Variants in NUP160 observed in about 807,000 individuals in gnomAD.
The protein encoded by NUP160 is nucleoporin 160, also known as nuclear pore complex protein Nup160.
In NUP160, 94 loss-of-function variants were observed where a neutral mutation model predicts 196.9. That is an observed-to-expected ratio of 0.48 (90% confidence interval 0.40 to 0.57). The LOEUF (loss-of-function observed/expected upper bound fraction) is 0.57, where lower values mean the gene tolerates loss of function less well. Among genes scored for constraint, NUP160 ranks in the 20% least tolerant of loss-of-function variants. The pLI is 0.00. For missense variants in NUP160, 1,638 were observed against 1,748.3 expected, an observed-to-expected ratio of 0.94 and a Z score of 1.13; for synonymous variants, 605 against 619.7, an observed-to-expected ratio of 0.98 and a Z score of 0.35.
rs1208538677 is a variant in NUP160, at chr11:47,782,300, AAAAATATATATATATATATATATATATAT to A, written c.4116+744_4116+772del. 9.6e-4 allele frequency among the ~76,000 whole-genome samples: 41 copies of A among 42,524 alleles called. 3 individuals carry two copies. The highest frequency in any genetic ancestry group is 4.9e-3 in the East Asian group (9 of 1,820). 27.9% of individuals were successfully genotyped at this position (42,524 alleles called of 152,430 possible). ...GAGCAAAACTCAGTTAAAAAAAAAA[AAAAATATATATATATATATATATATATAT>A]ATATATATATATATATATATATATA... is the stretch of plus-strand genomic sequence containing the variant. On this transcript the variant is annotated intron_variant, in intron 34 of 35. Transcript: ENST00000378460.
chr11:47,780,110 T>C (rs1371694136), intron 35 of NUP160, among the ~76,000 whole-genome samples: 1 of 152,220 alleles, frequency 6.6e-6, no homozygotes, highest in East Asian at 1.9e-4. Context: ...ATGGACCGAC[T>C]GCTTGCCATT....
Position 47,837,535 on chromosome 11 carries a change from C to T in NUP160, c.827+10G>A, listed in dbSNP as rs1852200113. 1.9e-6 allele frequency: 3 copies of T among 1,611,442 alleles called. No individual in the cohort carries two copies. The South Asian group carries it at 3.3e-5, about 18-fold the overall frequency. On this transcript the variant is annotated intron_variant, in intron 5 of 35. Coordinates refer to ENST00000378460, the Ensembl canonical transcript of NUP160. ...TGGGCCCTTTGATTTACCTGCCAGACACCACTCACCTGATAGCTGTTGGCA... is the reference window on the plus strand; with the variant it reads ...TGGGCCCTTTGATTTACCTGCCAGATACCACTCACCTGATAGCTGTTGGCA...
At chr11:47,792,068 T>C (rs2135350156) in intron 28 of NUP160, 78 bp from the exon 29 acceptor site, 1 of 990,358 alleles carries the variant, frequency 1.0e-6, no homozygotes, top group Admixed American at 2.4e-5. Context: ...TTCATAGCTT[T>C]TATGCTTAAA....
chr11:47,800,612 G>C (rs978260387), intron 23 of NUP160, among the ~76,000 whole-genome samples: 1 of 152,046 alleles, frequency 6.6e-6, no homozygotes, highest in Non-Finnish European at 1.5e-5. Context: ...GGCTGGTCTC[G>C]AACTACTGAC....
intron 29 of NUP160, among the ~76,000 whole-genome samples, chr11:47,790,507 C>T (rs542790778): frequency 9.9e-5 from 15 of 151,956 alleles, no homozygotes; most frequent in East Asian, 5.8e-4. Flanking sequence ...GTGATCCACC[C>T]GCCTCAGCCT....
rs532106403 is a variant in NUP160 at position 47,835,770 on chromosome 11, C to T, written c.982G>A (p.Val328Ile). 23 of 1,599,832 alleles carry T rather than the reference C, an allele frequency of 1.4e-5. 1 individual carries two copies. The Admixed American group carries it at 2.6e-4, about 18-fold the overall frequency. The change falls in exon 7 of 36, where the codon GTC becomes ATC. Residue 328 changes from valine (V) to isoleucine (I), a missense_variant. Around this residue, in one of 3 missense-constraint regions of NUP160, gnomAD observed 1,345 missense variants for 1,470.2 expected, o/e 0.91. Transcript: ENST00000378460. ...AGCCGAAGGTCTTTCTTCACAGGGA[C>T]ATACTCCAGCATGTCAGCTACCATT... is the stretch of plus-strand genomic sequence containing the variant.
intron 2 of NUP160, among the ~76,000 whole-genome samples, chr11:47,847,496 T>C (rs749734752): frequency 3.3e-5 from 5 of 152,124 alleles, no homozygotes; most frequent in Non-Finnish European, 5.9e-5. Flanking sequence ...GCCTGACATA[T>C]TGAAGCTCGA....
intron 2 of NUP160, 110 bp downstream of exon 2, chr11:47,847,738 T>C: frequency 1.4e-6 from 1 of 724,818 alleles, no homozygotes; most frequent in Non-Finnish European, 2.5e-6. Context: ...AATCTTTCTC[T>C]TTCCCTAAGT....
Position 47,784,999 on chromosome 11 carries a change from A to T in NUP160, c.3913T>A (p.Leu1305Met), listed in dbSNP as rs754509063. ...TTGTTGATTACACAGTGGTGATACA[A>T]GTTATTCTGGACTTTGTACCTCTCC... The change falls in exon 33 of 36, where the codon TTG becomes ATG. Residue 1305 changes from leucine to methionine, a missense_variant. Leu to Met is a conservative substitution (Grantham distance 15). Transcript: ENST00000378460. 1.1e-5 allele frequency: 17 copies of T among 1,603,874 alleles called. No individual in the cohort carries two copies. In the South Asian group the frequency reaches 1.8e-4, roughly 17 times the overall value.
intron 34 of NUP160, among the ~76,000 whole-genome samples, chr11:47,782,390 GGTTT>G (rs2097661945): frequency 7.4e-6 from 1 of 135,126 alleles, no homozygotes; most frequent in Non-Finnish European, 1.6e-5. Flanking sequence ...ACTTATGGTG[GGTTT>G]GTTTTCCAAT....
exon 3 of NUP160, chr11:47,840,547 A>T (rs1852275589): frequency 1.9e-6 from 3 of 1,613,096 alleles, no homozygotes; most frequent in Non-Finnish European, 2.5e-6. Context: ...ATTTATGTCC[A>T]GTGACTCCTC....
chr11:47,836,663 T>G (rs1489232554), intron 6 of NUP160, among the ~76,000 whole-genome samples: 1 of 152,186 alleles, frequency 6.6e-6, no homozygotes, highest in African/African-American at 2.4e-5. Flanking sequence ...TACTACTCTT[T>G]CAGTGTTCCT....
At chr11:47,812,960 A>G (rs756498639) in exon 15 of NUP160, 3 of 1,613,110 alleles carry the variant, frequency 1.9e-6, no homozygotes. Context: ...ACTCATTTCC[A>G]TTATAACTGA....
exon 20 of NUP160, chr11:47,806,175 T>C: frequency 6.2e-7 from 1 of 1,614,104 alleles, no homozygotes; most frequent in South Asian, 1.1e-5. Context: ...AAATAACTGG[T>C]AATTGCAGTA....
At chr11:47,815,483 T>C (rs756010859) in exon 13 of NUP160, 2 of 1,590,580 alleles carry the variant, frequency 1.3e-6, no homozygotes, top group East Asian at 2.3e-5. Flanking sequence ...ACTTACTTTT[T>C]TCAGCAGGCA....
At chr11:47,824,829 G>GTTAAT (rs1231977755) in intron 7 of NUP160, among the ~76,000 whole-genome samples, 5 of 148,234 alleles carry the variant, frequency 3.4e-5, no homozygotes, top group Non-Finnish European at 7.4e-5. Flanking sequence ...TTTTTTTCAC[G>GTTAAT]TTAATTTAAT....
chr11:47,822,180 A>T lies in NUP160; in HGVS notation c.1102-16T>A, dbSNP rs1565202597. ...AAATGCAGAACTGTTAAAACACAAG[A>T]TGATCATTTATTACCTGAAATAATC... On this transcript the variant is annotated splice_polypyrimidine_tract_variant and intron_variant, in intron 7 of 35. Transcript: ENST00000378460. The T allele has an allele frequency of 6.7e-7, 1 of 1,501,426 alleles. No individual in the cohort carries two copies. The highest frequency in any genetic ancestry group is 9.3e-7 in the Non-Finnish European group (1 of 1,080,280). The allele number at this position is 1,501,426 out of a possible 1,614,324, so 93.0% of individuals were successfully genotyped here. A position where few individuals can be genotyped will look rare whatever the true frequency, so the allele number is the denominator to read the frequency against.
Position 47,815,655 on chromosome 11 carries a change from A to C in NUP160, c.1516-6T>G. On this transcript the variant is annotated splice_polypyrimidine_tract_variant and splice_region_variant and intron_variant, in intron 12 of 35. Coordinates refer to ENST00000378460, the Ensembl canonical transcript of NUP160. ...TCTGTTACACTTCCTTGAAGCTGGC[A>C]AAGAAGAAATGAAAGAAATTAAACT... is the stretch of plus-strand genomic sequence containing the variant. The C allele has an allele frequency of 6.4e-7, 1 of 1,573,584 alleles. No individual in the cohort carries two copies. Among genetic ancestry groups the C allele is most frequent in the Non-Finnish European group, 8.6e-7 (1 of 1,165,830 alleles).
intron 29 of NUP160, among the ~76,000 whole-genome samples, chr11:47,790,966 T>C (rs766230998): frequency 2.0e-5 from 3 of 152,196 alleles, no homozygotes; most frequent in Non-Finnish European, 2.9e-5. Flanking sequence ...TTCCTTTTGC[T>C]TTAAGTTGTT....
Sources: allele counts gnomAD v4.1 joint callset (sites outside exome capture counted in the v4.1 genomes callset), GRCh38; gene constraint gnomAD v4.1.1; regional missense constraint gnomAD v4.1.1; transcripts MANE v1.5; gene names NCBI Gene and HGNC (gene_info 2026-07-23, HGNC 2026-07-21).